The following SUGCT variants were observed in gnomAD, a reference collection of about 807,000 sequenced individuals.
SUGCT encodes the protein succinyl-CoA:glutarate CoA-transferase.
SUGCT carries 41 observed loss-of-function variants against 55.0 expected under a neutral mutation model. The ratio of observed to expected loss-of-function variants is 0.74; its 90% CI spans 0.58 to 0.97. The LOEUF (loss-of-function observed/expected upper bound fraction) is 0.97, where lower values mean the gene tolerates loss of function less well. SUGCT is among the 50% of genes least tolerant of loss of function. The pLI is 0.00. For synonymous variants in SUGCT, 187 were observed against 200.4 expected (o/e 0.93, Z 0.56); for missense variants, 568 against 547.8 (o/e 1.04, Z -0.37).
the SUGCT span, among the ~76,000 whole-genome samples, chr7:40,888,960 G>A: frequency 6.6e-6 from 1 of 152,218 alleles, no homozygotes; most frequent in Non-Finnish European, 1.5e-5. Flanking sequence ...CTGTCAGTTA[G>A]GCTGAGACAA....
intron 9 of SUGCT, among the ~76,000 whole-genome samples, chr7:40,331,685 G>A (rs1796317536): frequency 6.6e-6 from 1 of 152,192 alleles, no homozygotes; most frequent in Non-Finnish European, 1.5e-5. Flanking sequence ...CCAGAGTGGA[G>A]CTCTGGGTCA....
intron 9 of SUGCT, among the ~76,000 whole-genome samples, chr7:40,349,147 C>T (rs1251209910): frequency 6.6e-6 from 1 of 152,156 alleles, no homozygotes; most frequent in Non-Finnish European, 1.5e-5. Context: ...AATAGCTTTG[C>T]TTGTCTTTAA....
intron 12 of SUGCT, among the ~76,000 whole-genome samples, chr7:40,714,024 T>C (rs1785876043): frequency 6.6e-6 from 1 of 152,278 alleles, no homozygotes; most frequent in East Asian, 1.9e-4. Flanking sequence ...AATTAGCTAA[T>C]ATTAATCATT....
intron 12 of SUGCT, among the ~76,000 whole-genome samples, chr7:40,741,534 A>G (rs1481457422): frequency 2.0e-5 from 3 of 152,212 alleles, no homozygotes; most frequent in African/African-American, 7.2e-5. Context: ...TAAGTGATTA[A>G]GGAAAATTAT....
chr7:40,215,560 G>C (rs1787576124), intron 6 of SUGCT, among the ~76,000 whole-genome samples: 1 of 152,094 alleles, frequency 6.6e-6, no homozygotes. Context: ...TTAATGTTAA[G>C]AGCTTAATAT....
intron 9 of SUGCT, among the ~76,000 whole-genome samples, chr7:40,317,149 C>T (rs1460917918): frequency 3.3e-5 from 5 of 149,992 alleles, no homozygotes. Flanking sequence ...TTTTTCCCAC[C>T]TAAAAGAGGC....
intron 12 of SUGCT, among the ~76,000 whole-genome samples, chr7:40,734,808 A>G (rs1002916419): frequency 2.6e-5 from 4 of 152,310 alleles, no homozygotes; most frequent in East Asian, 3.9e-4. Flanking sequence ...GTTTGCCTCA[A>G]TGGCTTCTGA....
At chr7:40,550,555 C>T (rs542958923) in intron 12 of SUGCT, among the ~76,000 whole-genome samples, 93 of 152,336 alleles carry the variant, frequency 6.1e-4, no homozygotes, top group Middle Eastern at 3.4e-3. Flanking sequence ...ATTTGTTATA[C>T]ATACAATATC....
At chr7:40,596,783 A>C (rs143381599) in intron 12 of SUGCT, among the ~76,000 whole-genome samples, 1 of 152,246 alleles carries the variant, frequency 6.6e-6, no homozygotes, top group Non-Finnish European at 1.5e-5. Context: ...CCTCCTTTTA[A>C]GGGCTCTTAT....
At chr7:40,866,571 C>G in the SUGCT span, among the ~76,000 whole-genome samples, 1 of 151,296 alleles carries the variant, frequency 6.6e-6, no homozygotes, top group Admixed American at 6.6e-5. Flanking sequence ...AGAAATGCAG[C>G]AACTCCACAA....
intron 12 of SUGCT, among the ~76,000 whole-genome samples, chr7:40,706,714 TGTTC>T (rs1295194579): frequency 6.6e-6 from 1 of 152,186 alleles, no homozygotes; most frequent in Admixed American, 6.5e-5. Flanking sequence ...CAGCCAGCCT[TGTTC>T]CCAGCACCAC....
Position 40,842,701 on chromosome 7 carries a change from AC to A in SUGCT, c.1154-17613del, listed in dbSNP as rs559213525. 2.6e-5 allele frequency among the ~76,000 whole-genome samples: 4 copies of A among 152,324 alleles called. No individual in the cohort carries two copies. In the South Asian group the frequency reaches 8.3e-4, roughly 32 times the overall value. ...ACAGAACTTAAAATTGTTCTTGAAC[AC>A]CTGTTTTTATCCAACTTATAAAGTG... On this transcript the variant is annotated intron_variant, in intron 13 of 13. Transcript: ENST00000335693.
Position 40,544,566 on chromosome 7 carries a change from C to G in SUGCT, c.1089+48180C>G, listed in dbSNP as rs148044279. 1.4e-3 allele frequency among the ~76,000 whole-genome samples: 216 copies of G among 152,048 alleles called. 1 individual carries two copies. Among genetic ancestry groups the G allele is most frequent in the African/African-American group, 5.0e-3 (207 of 41,472 alleles). ...TTTGTAGGGAAAGTGTTGTAATACT[C>G]TATCGCTTGTGTAAACAGTCTCATT... On this transcript the variant is annotated intron_variant, in intron 12 of 13. Coordinates refer to ENST00000335693, the MANE Select transcript of SUGCT (RefSeq NM_001193313.2).
intron 13 of SUGCT, among the ~76,000 whole-genome samples, chr7:40,790,363 C>A (rs972223961): frequency 2.0e-5 from 3 of 152,190 alleles, no homozygotes; most frequent in African/African-American, 7.2e-5. Context: ...TTTCCTGAGG[C>A]CTCCCAAGCC....
At chr7:40,641,656 C>T (rs916670438) in intron 12 of SUGCT, among the ~76,000 whole-genome samples, 3 of 152,210 alleles carry the variant, frequency 2.0e-5, no homozygotes, top group Middle Eastern at 3.2e-3. Context: ...CTAAGCTCTA[C>T]TTTGACACAC....
At chr7:40,425,978 T>C (rs1253322358) in intron 9 of SUGCT, among the ~76,000 whole-genome samples, 2 of 152,192 alleles carry the variant, frequency 1.3e-5, no homozygotes, top group Non-Finnish European at 2.9e-5. Flanking sequence ...GTTGTGCTGA[T>C]GATCATGCAA....
Position 40,324,096 on chromosome 7 carries a change from A to G in SUGCT, c.816+7241A>G, listed in dbSNP as rs4723950. ...CCCAAACTCTTGCATTTGAACCTAT[A>G]TATAGATCACTGCATTCCTTCCTGT... On this transcript the variant is annotated intron_variant, in intron 9 of 13. Transcript: ENST00000335693. 6.9e-3 allele frequency among the ~76,000 whole-genome samples: 1,042 copies of G among 152,042 alleles called. 32 individuals carry two copies. Among genetic ancestry groups the G allele is most frequent in the Admixed American group, 0.056 (861 of 15,246 alleles).
At chr7:40,292,247 T>A (rs1005526825) in intron 8 of SUGCT, among the ~76,000 whole-genome samples, 5 of 152,136 alleles carry the variant, frequency 3.3e-5, no homozygotes, top group Non-Finnish European at 7.4e-5. Flanking sequence ...GTTTTATATT[T>A]TAGGTGGATT....
intron 9 of SUGCT, among the ~76,000 whole-genome samples, chr7:40,440,855 G>A (rs1788475864): frequency 6.6e-6 from 1 of 151,966 alleles, no homozygotes; most frequent in African/African-American, 2.4e-5. Flanking sequence ...CGACTCAGGA[G>A]GCTATGTGAG....
Sources: allele counts gnomAD v4.1 joint callset (sites outside exome capture counted in the v4.1 genomes callset), GRCh38; gene constraint gnomAD v4.1.1; transcripts MANE v1.5; gene names NCBI Gene and HGNC (gene_info 2026-07-23, HGNC 2026-07-21).